FAM98B: variants seen among roughly 807,000 people sequenced by gnomAD.
FAM98B encodes the protein tRNA splicing ligase complex subunit 3B.
FAM98B carries 32 observed loss-of-function variants against 43.9 expected under a neutral mutation model. That is an observed-to-expected ratio of 0.73 (90% CI 0.55 to 0.98). FAM98B has a LOEUF of 0.98. FAM98B is among the 50% of genes least tolerant of loss of function. The pLI, the probability that FAM98B is intolerant of heterozygous loss-of-function variation, is 0.00. For missense variants in FAM98B, 514 were observed against 522.9 expected, an observed-to-expected ratio of 0.98 and a Z score of 0.17; for synonymous variants, 190 against 174.0, an observed-to-expected ratio of 1.09 and a Z score of -0.72.
Position 38,465,295 on chromosome 15 carries a change from C to CTT in FAM98B, c.245_246dup (p.Glu83LeufsTer3). The CTT allele has an allele frequency of 1.2e-6, 2 of 1,610,358 alleles. No individual in the cohort carries two copies. The highest frequency in any genetic ancestry group is 1.7e-6 in the Non-Finnish European group (2 of 1,178,926). On this transcript the variant is annotated frameshift_variant, in exon 3 of 8. Coordinates refer to ENST00000397609, the MANE Select transcript of FAM98B (RefSeq NM_173611.4). LOFTEE classifies it high-confidence loss of function. ...AAGAGATGATCTAGAGAGCTTCCAG[C>CTT]TTGAGATAAGTGGCTTTTTAAAAGA...
chr15:38,473,827 G>T (rs1379017020), intron 5 of FAM98B, among the ~76,000 whole-genome samples: 4 of 152,186 alleles, frequency 2.6e-5, no homozygotes, highest in Admixed American at 6.5e-5. Flanking sequence ...GATTTGAAAA[G>T]AACAGAGGCT....
In FAM98B at chr15:38,485,410, G is replaced by T. The variant is rs1890354574; in HGVS notation, c.*751G>T. On this transcript the variant is annotated 3_prime_UTR_variant, in exon 8 of 8. Transcript: ENST00000397609. ...GTGTGAGAAATAGTCCTATAAACTG[G>T]TCTCTTCATCATTTATGCTCTCACT... 6.6e-6 allele frequency: 1 copy of T among 152,156 alleles called. No individual in the cohort carries two copies. Among genetic ancestry groups the T allele is most frequent in the Non-Finnish European group, 1.5e-5 (1 of 68,024 alleles). The allele number at this position is 152,156 out of a possible 1,614,324, so 9.4% of individuals were successfully genotyped here.
chr15:38,484,210 T>A, intron 7 of FAM98B, 45 bp from the exon 8 acceptor site: 2 of 1,526,988 alleles, frequency 1.3e-6, no homozygotes, highest in African/African-American at 1.4e-5. Context: ...TTATGTAAAC[T>A]TTTTTGAAAT....
chr15:38,470,298 A>G lies in FAM98B; in HGVS notation c.424A>G (p.Lys142Glu), dbSNP rs780404089. Residue 142 changes from lysine (K) to glutamate (E), a missense_variant, in exon 4 of 8, where the codon AAA becomes GAA. Lys to Glu is a moderately conservative substitution (Grantham distance 56). Around this residue, in one of 2 missense-constraint regions of FAM98B, gnomAD observed 469 missense variants for 451.8 expected, o/e 1.04. Transcript: ENST00000397609. ...NKKHKNSQLDKNSEVYQEVQA... is the reference protein window; with the variant it reads ...NKKHKNSQLDENSEVYQEVQA... ...GAAACATAAAAATTCTCAATTAGAT[A>G]AAAATAGTGAAGTTTATCAGGAAGT... is the stretch of plus-strand genomic sequence containing the variant. 3.8e-6 allele frequency: 6 copies of G among 1,599,506 alleles called. No homozygotes were observed. The South Asian group carries it at 6.8e-5, about 18-fold the overall frequency.
At chr15:38,455,613 C>T (rs765655243) in intron 1 of FAM98B, among the ~76,000 whole-genome samples, 12 of 152,140 alleles carry the variant, frequency 7.9e-5, no homozygotes, top group East Asian at 3.9e-4. Context: ...TCTCACTTAA[C>T]TTGGTTAAGA....
rs139746650 is a variant in FAM98B at position 38,474,234 on chromosome 15, G to A, written c.665G>A (p.Arg222Gln). ...CTTTCCTGTGAATATGAGTGCCGCC[G>A]ACGAATGTTAATGAAACGATTAGAT... is the stretch of plus-strand genomic sequence containing the variant. ...DALSCEYECR[R>Q]RMLMKRLDVT... Residue 222 changes from arginine to glutamine, a missense_variant, in exon 6 of 8, where the codon CGA (arginine) becomes CAA (glutamine). This residue lies in a region of FAM98B where 469 missense variants were observed against 451.8 expected (regional missense o/e 1.04). Transcript: ENST00000397609. The A allele has an allele frequency of 1.7e-5, 28 of 1,613,710 alleles. No homozygotes were observed. The highest frequency in any genetic ancestry group is 1.2e-4 in the Admixed American group (7 of 59,980).
At chr15:38,459,237 C>T in intron 1 of FAM98B, 1 of 469,890 alleles carries the variant, frequency 2.1e-6, no homozygotes, top group Admixed American at 2.2e-5. Flanking sequence ...GGTCAGTGAC[C>T]ACACAGATCC....
chr15:38,459,234 G>T, intron 1 of FAM98B: 1 of 469,212 alleles, frequency 2.1e-6, no homozygotes, highest in South Asian at 1.7e-5. Flanking sequence ...CCAGGTCAGT[G>T]ACCACACAGA....
At position 38,458,987 on chromosome 15, in the gene FAM98B, A is replaced by G. The variant is rs889216589; in HGVS notation, c.71+4755A>G. The stretch of plus-strand genomic sequence containing the variant: ...GACTTAGCAGCCCTGGTGGAACCAC[A>G]GGACTCATGGAATAGGTGAGCCCGG... On this transcript the variant is annotated intron_variant, in intron 1 of 7. Transcript: ENST00000397609. 3 of 380,422 alleles carry G rather than the reference A, an allele frequency of 7.9e-6. No individual in the cohort carries two copies. The Admixed American group carries it at 9.3e-5, about 12-fold the overall frequency. 23.6% of individuals were successfully genotyped at this position (380,422 alleles called of 1,614,324 possible).
At position 38,468,052 on chromosome 15, in the gene FAM98B, G is replaced by A. The variant is rs573263491; in HGVS notation, c.353-2175G>A. On this transcript the variant is annotated intron_variant, in intron 3 of 7. Coordinates refer to ENST00000397609, the MANE Select transcript of FAM98B (RefSeq NM_173611.4). ...AGGGGGAATCTAAGGATCTGCAAAAGGAAGAAGGCTTAATTTTCCCTCTAC... is the reference window on the plus strand; with the variant it reads ...AGGGGGAATCTAAGGATCTGCAAAAAGAAGAAGGCTTAATTTTCCCTCTAC... 4.6e-5 allele frequency among the ~76,000 whole-genome samples: 7 copies of A among 152,266 alleles called. No homozygotes were observed. In the East Asian group the frequency reaches 7.7e-4, roughly 17 times the overall value.
chr15:38,481,931 ATT>A (rs910367470), intron 7 of FAM98B: 32 of 223,134 alleles, frequency 1.4e-4, no homozygotes, highest in African/African-American at 6.9e-4. Context: ...CTGTTTCCTG[ATT>A]TGGAGTATAC....
At chr15:38,482,110 CA>C (rs1014458972) in intron 7 of FAM98B, 1 of 152,726 alleles carries the variant, frequency 6.5e-6, no homozygotes, top group African/African-American at 2.4e-5. Context: ...TACAAAAGAG[CA>C]AAAAATCAGA....
At chr15:38,474,404 C>T in intron 6 of FAM98B, 106 bp downstream of exon 6, 1 of 676,058 alleles carries the variant, frequency 1.5e-6, no homozygotes, top group Non-Finnish European at 2.5e-6. Context: ...TCATCACCAT[C>T]TCAACTACAT....
At chr15:38,462,064 G>T (rs1466800085) in intron 1 of FAM98B, among the ~76,000 whole-genome samples, 1 of 152,090 alleles carries the variant, frequency 6.6e-6, no homozygotes, top group Non-Finnish European at 1.5e-5. Context: ...CAGACAGTGA[G>T]GTAGTATATA....
chr15:38,456,220 G>C (rs1266860991), intron 1 of FAM98B, among the ~76,000 whole-genome samples: 1 of 152,192 alleles, frequency 6.6e-6, no homozygotes, highest in Non-Finnish European at 1.5e-5. Flanking sequence ...AGAGAGGGCT[G>C]GAGCAGATGA....
chr15:38,460,789 T>C (rs577883467), intron 1 of FAM98B, among the ~76,000 whole-genome samples: 2 of 152,344 alleles, frequency 1.3e-5, no homozygotes, highest in South Asian at 4.1e-4. Flanking sequence ...GCTATGATTA[T>C]GGCCATCCCG....
chr15:38,464,266 AC>A, intron 2 of FAM98B, 89 bp downstream of exon 2: 1 of 1,255,020 alleles, frequency 8.0e-7, no homozygotes, highest in Non-Finnish European at 1.0e-6. Flanking sequence ...TGCCCACTGT[AC>A]AAAGAAAAAT....
intron 6 of FAM98B, among the ~76,000 whole-genome samples, chr15:38,480,080 G>A (rs979993631): frequency 6.6e-6 from 1 of 151,900 alleles, no homozygotes; most frequent in Admixed American, 6.6e-5. Context: ...AAGGAAGTTT[G>A]CTGGTTGAAT....
Position 38,458,718 on chromosome 15 carries a change from A to T in FAM98B, c.71+4486A>T, listed in dbSNP as rs574487270. 1.3e-5 allele frequency: 4 copies of T among 304,490 alleles called. 1 individual carries two copies. The East Asian group carries it at 3.5e-4, about 26-fold the overall frequency. 18.9% of individuals were successfully genotyped at this position (304,490 alleles called of 1,614,324 possible). A position where few individuals can be genotyped will look rare whatever the true frequency, so the allele number is the denominator to read the frequency against. On this transcript the variant is annotated intron_variant, in intron 1 of 7. Coordinates refer to ENST00000397609, the MANE Select transcript of FAM98B (RefSeq NM_173611.4). Reference sequence around the variant, plus strand: ...AAGGCACAGCATAGGAAAGACCCTTACTGGGATGACCACTGCTTGGAAGCA... The same window carrying T: ...AAGGCACAGCATAGGAAAGACCCTTTCTGGGATGACCACTGCTTGGAAGCA...
Sources: gnomAD v4.1 joint callset for allele counts (sites outside exome capture counted in the v4.1 genomes callset) on GRCh38, gnomAD v4.1.1 for gene constraint, gnomAD v4.1.1 regional missense constraint, MANE v1.5 for transcripts, NCBI Gene and HGNC (gene_info 2026-07-23, HGNC 2026-07-21) for gene names.